DMXL1: variants seen among roughly 807,000 people sequenced by gnomAD.
The protein encoded by DMXL1 is dmX-like protein 1.
DMXL1 carries 99 observed loss-of-function variants against 319.2 expected under a neutral mutation model. The observed-to-expected ratio is 0.31, with a 90% CI of 0.26 to 0.37. DMXL1 has a LOEUF of 0.37. DMXL1 is among the 10% of genes least tolerant of loss of function. The probability of loss-of-function intolerance (pLI) is 1.00; values close to 1 mark genes in which losing one functional copy is unlikely to be tolerated. For missense variants in DMXL1, 3,745 were observed against 3,595.6 expected, an observed-to-expected ratio of 1.04 and a Z score of -1.06; for synonymous variants, 1,385 against 1,235.2, an observed-to-expected ratio of 1.12 and a Z score of -2.54.
intron 1 of DMXL1, among the ~76,000 whole-genome samples, chr5:119,083,036 T>G (rs1039125173): frequency 1.3e-5 from 2 of 152,082 alleles, no homozygotes; most frequent in African/African-American, 4.8e-5. Context: ...GTTTGTTTGT[T>G]TTGTCAGAGT....
intron 5 of DMXL1, among the ~76,000 whole-genome samples, chr5:119,113,454 G>A (rs1024556215): frequency 6.2e-4 from 95 of 152,260 alleles, no homozygotes; most frequent in African/African-American, 2.2e-3. Flanking sequence ...TGTTGGCCAG[G>A]CTGGTCTCGA....
chr5:119,214,862 A>C (rs746619008), intron 34 of DMXL1, among the ~76,000 whole-genome samples: 2 of 152,186 alleles, frequency 1.3e-5, no homozygotes, highest in Non-Finnish European at 2.9e-5. Flanking sequence ...AAAGCTCCCC[A>C]GGTGAAACTG....
intron 5 of DMXL1, among the ~76,000 whole-genome samples, chr5:119,113,790 A>T (rs1356975533): frequency 6.6e-6 from 1 of 152,222 alleles, no homozygotes; most frequent in African/African-American, 2.4e-5. Flanking sequence ...CAGAAAAAAA[A>T]GTTATTTGTA....
At chr5:119,240,606 A>C in intron 42 of DMXL1, 135 bp downstream of exon 42, 1 of 631,060 alleles carries the variant, frequency 1.6e-6, no homozygotes, top group South Asian at 2.3e-5. Context: ...GGATGGCAGG[A>C]TTTGAAAGCA....
chr5:119,181,966 A>G (rs879826063), intron 28 of DMXL1, among the ~76,000 whole-genome samples: 7 of 152,230 alleles, frequency 4.6e-5, no homozygotes, highest in Non-Finnish European at 1.0e-4. Flanking sequence ...AACTACTAGC[A>G]GCATTGGCTT....
intron 29 of DMXL1, among the ~76,000 whole-genome samples, chr5:119,192,697 C>T (rs1383573991): frequency 1.3e-5 from 2 of 152,166 alleles, no homozygotes; most frequent in African/African-American, 4.8e-5. Context: ...CTCTCCTTTT[C>T]TCTTGATGAC....
At chr5:119,082,863 G>A (rs1033267783) in intron 1 of DMXL1, among the ~76,000 whole-genome samples, 3 of 151,962 alleles carry the variant, frequency 2.0e-5, no homozygotes, top group African/African-American at 4.8e-5. Context: ...TCTCTTCATC[G>A]TCTCCCCCAA....
rs962507991 is a variant in DMXL1 at position 119,193,886 on chromosome 5, GTGA to G, written c.7383_7385del (p.Asp2462del). The G allele has an allele frequency of 1.2e-6, 2 of 1,612,808 alleles. No individual in the cohort carries two copies. The highest frequency in any genetic ancestry group is 1.7e-6 in the Non-Finnish European group (2 of 1,179,418). On this transcript the variant is annotated inframe_deletion, in exon 30 of 44. Coordinates refer to ENST00000539542, the MANE Select transcript of DMXL1 (RefSeq NM_001290321.3). ...TATGATTCAGAGGAGAGTCTGGGAA[GTGA>G]TGATGATGACAATGATGATGATGAT...
At chr5:119,122,090 G>A (rs1580827753) in intron 9 of DMXL1, among the ~76,000 whole-genome samples, 4 of 136,628 alleles carry the variant, frequency 2.9e-5, no homozygotes, top group Admixed American at 1.4e-4. Context: ...GCGGGGGGCT[G>A]ACCCCCCCAC....
At position 119,134,302 on chromosome 5, in the gene DMXL1, A is replaced by C; in HGVS notation, c.2289A>C (p.Val763=). The change falls in exon 13 of 44, where the codon GTA becomes GTC. Residue 763 remains valine (V), a synonymous_variant. Coordinates refer to ENST00000539542, the MANE Select transcript of DMXL1 (RefSeq NM_001290321.3). ...GCAACTCTCCTAGTGCATGCTTTGT[A>C]GCCAGTGATGGACAATATCTGAGAT... The part of the protein sequence containing the change: ...AYCNSPSACF[V]ASDGQYLRLY... The C allele has an allele frequency of 6.2e-7, 1 of 1,613,924 alleles. No individual in the cohort carries two copies. The highest frequency in any genetic ancestry group is 8.5e-7 in the Non-Finnish European group (1 of 1,179,928).
intron 33 of DMXL1, 38 bp from the exon 34 acceptor site, chr5:119,206,796 T>C: frequency 1.5e-6 from 2 of 1,331,138 alleles, no homozygotes; most frequent in Non-Finnish European, 2.0e-6. Flanking sequence ...ACATCTCATC[T>C]TTACTCTTTG....
In DMXL1 at chr5:119,143,867, C is replaced by T. The variant is rs1200620295; in HGVS notation, c.2403C>T (p.Ile801=). Residue 801 remains isoleucine (I), a synonymous_variant, in exon 14 of 44, where the codon ATC becomes ATT. Coordinates refer to ENST00000539542, the MANE Select transcript of DMXL1 (RefSeq NM_001290321.3). ...ISKYVGEVFN[I]VSQQSTARPG... is the part of the protein sequence containing the mutation. ...AATATGTTGGTGAAGTCTTTAACAT[C>T]GTCAGTCAACAATCAACAGCCAGGC... 3 of 1,582,582 alleles carry T rather than the reference C, an allele frequency of 1.9e-6. No individual in the cohort carries two copies. The highest frequency in any genetic ancestry group is 2.3e-5 in the East Asian group (1 of 43,308).
chr5:119,228,093 G>A (rs1174412514), intron 38 of DMXL1, among the ~76,000 whole-genome samples: 1 of 152,134 alleles, frequency 6.6e-6, no homozygotes, highest in African/African-American at 2.4e-5. Context: ...AAGTTATTCA[G>A]CCTCTCATAC....
chr5:119,211,363 G>GT (rs1392104409), intron 34 of DMXL1, among the ~76,000 whole-genome samples: 1 of 152,140 alleles, frequency 6.6e-6, no homozygotes, highest in Non-Finnish European at 1.5e-5. Flanking sequence ...GAATCCTGAA[G>GT]TTTTTTAAAT....
intron 29 of DMXL1, 34 bp downstream of exon 29, chr5:119,189,920 T>C (rs772260146): frequency 1.9e-6 from 3 of 1,554,728 alleles, no homozygotes; most frequent in Non-Finnish European, 1.8e-6. Flanking sequence ...AATATTTTCA[T>C]AGTCAAATAG....
intron 13 of DMXL1, among the ~76,000 whole-genome samples, chr5:119,136,847 A>T (rs758902271): frequency 1.1e-4 from 16 of 152,268 alleles, no homozygotes; most frequent in Non-Finnish European, 8.8e-5. Flanking sequence ...GTTCAGGCAG[A>T]GGTCTGCGGC....
intron 7 of DMXL1, among the ~76,000 whole-genome samples, chr5:119,118,327 A>G (rs1252307472): frequency 6.6e-6 from 1 of 152,246 alleles, no homozygotes; most frequent in East Asian, 1.9e-4. Context: ...GAAGCATATG[A>G]TATAATTCAA....
In DMXL1 at chr5:119,149,408, T is replaced by G; in HGVS notation, c.3581T>G (p.Leu1194Arg). ...PLWESTKVVPLSKFVLLRSVD... is the reference protein window; with the variant it reads ...PLWESTKVVPRSKFVLLRSVD... ...TGGGAGAGTACCAAAGTTGTGCCCC[T>G]TTCTAAATTTGTACTATTACGAAGT... The change falls in exon 18 of 44, where the codon CTT becomes CGT. Residue 1194 changes from leucine (L) to arginine (R), a missense_variant. Leu to Arg is a moderately radical substitution (Grantham distance 102, BLOSUM62 -2). Around this residue, in one of 4 missense-constraint regions of DMXL1, gnomAD observed 2,096 missense variants for 1,985.4 expected, o/e 1.06. Coordinates refer to ENST00000539542, the MANE Select transcript of DMXL1 (RefSeq NM_001290321.3). 1 of 1,613,946 alleles carries G rather than the reference T, an allele frequency of 6.2e-7. No homozygotes were observed. The highest frequency in any genetic ancestry group is 8.5e-7 in the Non-Finnish European group (1 of 1,179,878).
intron 9 of DMXL1, among the ~76,000 whole-genome samples, chr5:119,123,056 C>T (rs533369757): frequency 5.9e-5 from 9 of 152,246 alleles, no homozygotes; most frequent in African/African-American, 1.7e-4. Context: ...AGTCCCGGCA[C>T]CTGGGAGGCC....
Sources: gnomAD v4.1 joint callset for allele counts (sites outside exome capture counted in the v4.1 genomes callset) on GRCh38, gnomAD v4.1.1 for gene constraint, gnomAD v4.1.1 regional missense constraint, MANE v1.5 for transcripts, NCBI Gene and HGNC (gene_info 2026-07-23, HGNC 2026-07-21) for gene names.